FBXL7: variants seen among roughly 807,000 people sequenced by gnomAD.
The protein encoded by FBXL7 is F-box and leucine rich repeat protein 7.
FBXL7 carries 12 observed loss-of-function variants against 38.3 expected under a neutral mutation model. The observed-to-expected ratio is 0.31, with a 90% CI of 0.20 to 0.51. The LOEUF (loss-of-function observed/expected upper bound fraction) is 0.51, where lower values mean the gene tolerates loss of function less well. FBXL7 is among the 20% of genes least tolerant of loss of function. The probability of loss-of-function intolerance (pLI) is 0.98; values close to 1 mark genes in which losing one functional copy is unlikely to be tolerated. For synonymous variants in FBXL7, 297 were observed against 300.9 expected (o/e 0.99, Z 0.13); for missense variants, 567 against 676.4 (o/e 0.84, Z 1.79).
At chr5:15,719,398 T>TGG (rs1744134591) in intron 2 of FBXL7, among the ~76,000 whole-genome samples, 1 of 149,900 alleles carries the variant, frequency 6.7e-6, no homozygotes, top group Non-Finnish European at 1.5e-5. Context: ...AGTGACCTAT[T>TGG]TATAATATTA....
intron 1 of FBXL7, among the ~76,000 whole-genome samples, chr5:15,575,920 A>G (rs1018553390): frequency 1.3e-5 from 2 of 152,202 alleles, no homozygotes; most frequent in South Asian, 2.1e-4. Flanking sequence ...ATTATTGGCA[A>G]TTGACATTCC....
intron 2 of FBXL7, among the ~76,000 whole-genome samples, chr5:15,629,814 T>C (rs1580419578): frequency 1.3e-5 from 2 of 152,212 alleles, no homozygotes; most frequent in East Asian, 3.8e-4. Flanking sequence ...GATTTTAAGA[T>C]GGAATAACCC....
intron 1 of FBXL7, among the ~76,000 whole-genome samples, chr5:15,610,502 T>C (rs958459571): frequency 3.3e-5 from 5 of 152,226 alleles, no homozygotes; most frequent in African/African-American, 1.2e-4. Flanking sequence ...CTTGCAAGAA[T>C]GTCGTCATGC....
chr5:15,630,958 T>TA (rs1381293493), intron 2 of FBXL7, among the ~76,000 whole-genome samples: 3 of 152,122 alleles, frequency 2.0e-5, no homozygotes, highest in African/African-American at 7.2e-5. Context: ...AGGAGTAAAT[T>TA]AAAAAATTAT....
At chr5:15,805,225 G>A (rs1376667328) in intron 2 of FBXL7, among the ~76,000 whole-genome samples, 1 of 152,172 alleles carries the variant, frequency 6.6e-6, no homozygotes, top group Admixed American at 6.5e-5. Flanking sequence ...AGTTGGGACT[G>A]CAGTGTATGA....
intron 2 of FBXL7, among the ~76,000 whole-genome samples, chr5:15,876,824 G>A (rs1230761001): frequency 6.6e-6 from 1 of 152,138 alleles, no homozygotes; most frequent in East Asian, 1.9e-4. Context: ...ACTACATGAT[G>A]CCTGATAGTT....
chr5:15,720,784 G>A (rs546476332), intron 2 of FBXL7, among the ~76,000 whole-genome samples: 8 of 116,498 alleles, frequency 6.9e-5, no homozygotes, highest in African/African-American at 2.0e-4. Context: ...ATAATATGAT[G>A]ATAAATATTA....
Position 15,937,040 on chromosome 5 carries a change from C to G in FBXL7, c.1330C>G (p.Gln444Glu). The G allele has an allele frequency of 6.2e-7, 1 of 1,614,022 alleles. No individual in the cohort carries two copies. The change falls in exon 4 of 4, where the codon CAG (glutamine) becomes GAG (glutamate). Residue 444 changes from glutamine to glutamate, a missense_variant. Physicochemically the swap from Gln to Glu is conservative, Grantham distance 29. Transcript: ENST00000504595. ...SLKSCESITG[Q>E]GLQIVAANCF... is the part of the protein sequence containing the mutation. ...CAAGTCCTGCGAGAGCATCACCGGC[C>G]AGGGCTTGCAGATCGTGGCCGCCAA...
intron 2 of FBXL7, among the ~76,000 whole-genome samples, chr5:15,748,753 A>C (rs1186760450): frequency 6.6e-6 from 1 of 152,116 alleles, no homozygotes. Flanking sequence ...TCCAGGCTAG[A>C]GTGCAGTGAT....
intron 2 of FBXL7, among the ~76,000 whole-genome samples, chr5:15,668,239 A>T (rs185328030): frequency 1.3e-5 from 2 of 152,180 alleles, no homozygotes; most frequent in East Asian, 3.9e-4. Context: ...ACTGTTCCCT[A>T]TGTCTGTATC....
intron 2 of FBXL7, among the ~76,000 whole-genome samples, chr5:15,912,897 C>T (rs1487197639): frequency 1.3e-5 from 2 of 152,094 alleles, no homozygotes; most frequent in East Asian, 3.9e-4. Context: ...GGGAACTACC[C>T]ATGCGAAATG....
chr5:15,698,823 T>C (rs1743428846), intron 2 of FBXL7, among the ~76,000 whole-genome samples: 1 of 152,190 alleles, frequency 6.6e-6, no homozygotes, highest in Non-Finnish European at 1.5e-5. Flanking sequence ...TAACTCCGAA[T>C]CAAATTAATC....
rs1742268933 is a variant in FBXL7 at position 15,938,721 on chromosome 5, C to T, written c.*1535C>T. 1 of 324,114 alleles carries T rather than the reference C, an allele frequency of 3.1e-6. No individual in the cohort carries two copies. 20.1% of individuals were successfully genotyped at this position (324,114 alleles called of 1,614,324 possible). On this transcript the variant is annotated 3_prime_UTR_variant, in exon 4 of 4. Coordinates refer to ENST00000504595, the MANE Select transcript of FBXL7 (RefSeq NM_012304.5). ...TTGGAAAGGAATACTAAAATCATTA[C>T]AAGGTATGGATTTTAAATGGATGAA...
intron 2 of FBXL7, among the ~76,000 whole-genome samples, chr5:15,846,695 T>A (rs1738913510): frequency 6.6e-6 from 1 of 152,160 alleles, no homozygotes; most frequent in South Asian, 2.1e-4. Context: ...GTGGCATTAA[T>A]GAGACACAGC....
chr5:15,899,962 G>C (rs1741195376), intron 2 of FBXL7, among the ~76,000 whole-genome samples: 1 of 152,030 alleles, frequency 6.6e-6, no homozygotes, highest in Non-Finnish European at 1.5e-5. Flanking sequence ...CTGAGAATTA[G>C]TATCAAGATT....
chr5:15,843,218 G>A (rs1479056027), intron 2 of FBXL7, among the ~76,000 whole-genome samples: 11 of 152,086 alleles, frequency 7.2e-5, no homozygotes. Context: ...TTGTCAAAGT[G>A]TATTCTTCTC....
rs1025900782 is a variant in FBXL7, at chr5:15,720,461, C to T, written c.127+104389C>T. Among the ~76,000 whole-genome samples the T allele has an allele frequency of 2.7e-5, 4 of 148,324 alleles. 1 individual carries two copies. The highest frequency in any genetic ancestry group is 6.0e-5 in the Non-Finnish European group (4 of 66,484). On this transcript the variant is annotated intron_variant, in intron 2 of 3. Coordinates refer to ENST00000504595, the MANE Select transcript of FBXL7 (RefSeq NM_012304.5). Reference sequence around the variant, plus strand: ...AAATGTCATATAAAACCATATTGTGCCTGATTACCTGATTCACTTTATTAT... The same window carrying T: ...AAATGTCATATAAAACCATATTGTGTCTGATTACCTGATTCACTTTATTAT...
chr5:15,590,161 G>T (rs1294457518), intron 1 of FBXL7, among the ~76,000 whole-genome samples: 2 of 152,136 alleles, frequency 1.3e-5, no homozygotes, highest in Admixed American at 6.5e-5. Flanking sequence ...ACTGGGCCAC[G>T]TTTACTCCTC....
At chr5:15,796,710 G>T (rs77577648) in intron 2 of FBXL7, among the ~76,000 whole-genome samples, 4,607 of 152,270 alleles carry the variant, frequency 0.03, 229 homozygotes, top group African/African-American at 0.11. Flanking sequence ...TCAGCAGGGA[G>T]TATTTTCCCT....
Sources: allele counts gnomAD v4.1 joint callset (sites outside exome capture counted in the v4.1 genomes callset), GRCh38; gene constraint gnomAD v4.1.1; transcripts MANE v1.5; gene names NCBI Gene and HGNC (gene_info 2026-07-23, HGNC 2026-07-21).